The following TMPRSS4 variants were observed in gnomAD, a reference collection of about 807,000 sequenced individuals.
TMPRSS4 encodes transmembrane protease serine 4.
A neutral mutation model predicts 56.4 loss-of-function variants in TMPRSS4; 45 were observed. That is an observed-to-expected ratio of 0.80 (90% CI 0.63 to 1.02). The LOEUF is 1.02. TMPRSS4 is among the 50% of genes least tolerant of loss of function. The pLI, the probability that TMPRSS4 is intolerant of heterozygous loss-of-function variation, is 0.00. For synonymous variants in TMPRSS4, 205 were observed against 211.0 expected, an observed-to-expected ratio of 0.97 and a Z score of 0.25; for missense variants, 546 against 556.7, an observed-to-expected ratio of 0.98 and a Z score of 0.19.
chr11:118,099,246 C>G (rs893675340), intron 3 of TMPRSS4, 148 bp downstream of exon 3: 1 of 594,978 alleles, frequency 1.7e-6, no homozygotes, highest in African/African-American at 1.9e-5. Context: ...TGCCCTCACC[C>G]ACTCAGTAAG....
chr11:118,114,983 C>T, intron 10 of TMPRSS4, 56 bp downstream of exon 10: 1 of 1,556,696 alleles, frequency 6.4e-7, no homozygotes, highest in Non-Finnish European at 8.7e-7. Flanking sequence ...GAGGGAGCAG[C>T]TTCCAGAAGT....
rs1947452520 is a variant in TMPRSS4, at chr11:118,114,811, C to T, written c.911-18C>T. The T allele has an allele frequency of 2.5e-6, 4 of 1,587,080 alleles. No individual in the cohort carries two copies. The African/African-American group carries it at 4.0e-5, about 16-fold the overall frequency. ...ATGATGAATAAAAGATCTCCTTCTT[C>T]CTCTGTGCTCCTGGCAGGCACAGTC... is the stretch of plus-strand genomic sequence containing the variant. On this transcript the variant is annotated intron_variant, in intron 9 of 12. Coordinates refer to ENST00000437212, the MANE Select transcript of TMPRSS4 (RefSeq NM_019894.4).
chr11:118,118,234 G>A lies in TMPRSS4; in HGVS notation c.*321G>A. The A allele has an allele frequency of 7.9e-7, 1 of 1,270,754 alleles. No homozygotes were observed. The highest frequency in any genetic ancestry group is 9.9e-7 in the Non-Finnish European group (1 of 1,006,040). 78.7% of individuals were successfully genotyped at this position (1,270,754 alleles called of 1,614,324 possible). ...TTTCCCACACTACTGAATGGAAGCA[G>A]GCTGTCTTGTAAAAGCCCAGATCAC... is the stretch of plus-strand genomic sequence containing the variant. On this transcript the variant is annotated 3_prime_UTR_variant, in exon 13 of 13. Coordinates refer to ENST00000437212, the MANE Select transcript of TMPRSS4 (RefSeq NM_019894.4).
intron 1 of TMPRSS4, among the ~76,000 whole-genome samples, chr11:118,078,167 C>T (rs182462894): frequency 6.6e-5 from 10 of 152,170 alleles, no homozygotes; most frequent in Admixed American, 3.9e-4. Context: ...ATACCTGGAG[C>T]GTCTTCGCTG....
rs925526071 is a variant in TMPRSS4, at chr11:118,119,720, T to C, written c.*1807T>C. 1 of 152,204 alleles carries C rather than the reference T, an allele frequency of 6.6e-6. No homozygotes were observed. The highest frequency in any genetic ancestry group is 2.4e-5 in the African/African-American group (1 of 41,434). 9.4% of individuals were successfully genotyped at this position (152,204 alleles called of 1,614,324 possible). A position where few individuals can be genotyped will look rare whatever the true frequency, so the allele number is the denominator to read the frequency against. On this transcript the variant is annotated 3_prime_UTR_variant, in exon 13 of 13. Coordinates refer to ENST00000437212, the MANE Select transcript of TMPRSS4 (RefSeq NM_019894.4). ...GCTCCTTGCCTGAGATTATAGACTG[T>C]AAGTTGAACGTGAGCACTTGGAATA...
At chr11:118,122,813 A>G (rs1299565831), downstream of TMPRSS4, among the ~76,000 whole-genome samples, 4 of 152,262 alleles carry the variant, frequency 2.6e-5, no homozygotes, top group African/African-American at 9.6e-5. Context: ...TGTATGTTAA[A>G]TCCTAACCCC....
intron 1 of TMPRSS4, among the ~76,000 whole-genome samples, chr11:118,083,780 G>A (rs1007322622): frequency 1.3e-5 from 2 of 152,082 alleles, no homozygotes; most frequent in African/African-American, 4.8e-5. Context: ...TCTTGGCTGG[G>A]TGCAGTGGCT....
In TMPRSS4 at chr11:118,111,825, A is replaced by T. The variant is rs746657084; in HGVS notation, c.668A>T (p.Gln223Leu). Reference protein sequence around the residue: ...VDSWPWQVSIQYDKQHVCGGS... With the variant: ...VDSWPWQVSILYDKQHVCGGS... ...TCTTGGCCTTGGCAGGTCAGCATCC[A>T]GTACGACAAACAGCACGTCTGTGGA... The change falls in exon 8 of 13, where the codon CAG (glutamine) becomes CTG (leucine). Residue 223 changes from glutamine to leucine, a missense_variant. Coordinates refer to ENST00000437212, the MANE Select transcript of TMPRSS4 (RefSeq NM_019894.4). 3.1e-6 allele frequency: 5 copies of T among 1,607,208 alleles called. No individual in the cohort carries two copies. The highest frequency in any genetic ancestry group is 4.2e-6 in the Non-Finnish European group (5 of 1,177,158).
At chr11:118,124,684 G>C (rs1461091404), downstream of TMPRSS4, among the ~76,000 whole-genome samples, 1 of 152,180 alleles carries the variant, frequency 6.6e-6, no homozygotes, top group Non-Finnish European at 1.5e-5. Flanking sequence ...TGTCGAGCAG[G>C]TGAATAGTAA....
Position 118,113,269 on chromosome 11 carries a change from G to A in TMPRSS4, c.744G>A (p.Arg248=). 1.2e-6 allele frequency: 2 copies of A among 1,613,602 alleles called. No individual in the cohort carries two copies. The highest frequency in any genetic ancestry group is 1.7e-6 in the Non-Finnish European group (2 of 1,179,780). ...TGAACCCAGCTGTCTCTACCCCCAG[G>A]AAACATACCGATGTGTTCAACTGGA... The part of the protein sequence containing the change: ...HWVLTAAHCF[R]KHTDVFNWKV... The change falls in exon 9 of 13, where the codon AGG becomes AGA. Residue 248 remains arginine (R), a splice_region_variant and synonymous_variant. Coordinates refer to ENST00000437212, the MANE Select transcript of TMPRSS4 (RefSeq NM_019894.4).
At chr11:118,077,467 C>T (rs1944746914) in intron 1 of TMPRSS4, among the ~76,000 whole-genome samples, 162 bp downstream of exon 1, 1 of 152,320 alleles carries the variant, frequency 6.6e-6, no homozygotes, top group South Asian at 2.1e-4. Context: ...GCCCGGTACA[C>T]GTCTCATACC....
chr11:118,078,285 T>C (rs1832450375), intron 1 of TMPRSS4, among the ~76,000 whole-genome samples: 1 of 151,880 alleles, frequency 6.6e-6, no homozygotes. Flanking sequence ...GTCTTCCTTC[T>C]CCAGTCCTTG....
rs551934723 is a variant in TMPRSS4, at chr11:118,084,413, A to C, written c.3+7108A>C. Among the ~76,000 whole-genome samples, 92 of 152,366 alleles carry C rather than the reference A, an allele frequency of 6.0e-4. 1 individual carries two copies. The highest frequency in any genetic ancestry group is 2.1e-3 in the African/African-American group (86 of 41,584). On this transcript the variant is annotated intron_variant, in intron 1 of 12. Transcript: ENST00000437212. Reference sequence around the variant, plus strand: ...AGGTTATGCAACTGCAAAGTCAGAGAGGCAGAGAAGACACTGAAGCACTAT... The same window carrying C: ...AGGTTATGCAACTGCAAAGTCAGAGCGGCAGAGAAGACACTGAAGCACTAT...
intron 1 of TMPRSS4, among the ~76,000 whole-genome samples, chr11:118,091,300 C>T (rs1230823099): frequency 2.0e-5 from 3 of 152,184 alleles, no homozygotes; most frequent in Non-Finnish European, 4.4e-5. Context: ...CCTCCAACCC[C>T]CCAAGCTTGT....
At chr11:118,110,080 T>A (rs1476696295) in intron 7 of TMPRSS4, among the ~76,000 whole-genome samples, 1 of 152,154 alleles carries the variant, frequency 6.6e-6, no homozygotes, top group Non-Finnish European at 1.5e-5. Context: ...AAAGGGAGAT[T>A]CCCAGGGACT....
chr11:118,115,451 G>A, intron 11 of TMPRSS4, 171 bp downstream of exon 11: 1 of 747,244 alleles, frequency 1.3e-6, no homozygotes, highest in Non-Finnish European at 2.1e-6. Flanking sequence ...AGATAAAAGT[G>A]TACCAATAGA....
At chr11:118,093,825 C>CCA (rs1555083614) in intron 1 of TMPRSS4, among the ~76,000 whole-genome samples, 12 of 151,402 alleles carry the variant, frequency 7.9e-5, no homozygotes, top group East Asian at 4.0e-4. Flanking sequence ...ACTGCCCCCC[C>CCA]CAATGGTAAC....
chr11:118,100,955 C>T (rs1314932548), intron 3 of TMPRSS4, among the ~76,000 whole-genome samples: 1 of 152,130 alleles, frequency 6.6e-6, no homozygotes, highest in Non-Finnish European at 1.5e-5. Flanking sequence ...TCTCAACTGG[C>T]AATGCTGTCT....
intron 1 of TMPRSS4, among the ~76,000 whole-genome samples, chr11:118,081,631 G>A (rs902083748): frequency 5.9e-5 from 9 of 152,214 alleles, no homozygotes; most frequent in South Asian, 2.1e-4. Flanking sequence ...TGGCAGTCGC[G>A]TCTCCTGTCA....
Sources: gnomAD v4.1 joint callset for allele counts (sites outside exome capture counted in the v4.1 genomes callset) on GRCh38, gnomAD v4.1.1 for gene constraint, MANE v1.5 for transcripts, NCBI Gene and HGNC (gene_info 2026-07-23, HGNC 2026-07-21) for gene names.